Variants in SLC8A3 observed in about 807,000 individuals in gnomAD.
SLC8A3 encodes solute carrier family 8 member A3.
In SLC8A3, 37 loss-of-function variants were observed where a neutral mutation model predicts 65.4. The observed-to-expected ratio is 0.57, with a 90% CI of 0.44 to 0.74. The LOEUF (loss-of-function observed/expected upper bound fraction) is 0.74, where lower values mean the gene tolerates loss of function less well. Ranked by LOEUF, SLC8A3 falls within the 30% of genes least tolerant of loss-of-function variation. SLC8A3 has a pLI of 0.00. For missense variants in SLC8A3, 1,112 were observed against 1,172.1 expected (o/e 0.95, Z 0.75); for synonymous variants, 461 against 444.5 (o/e 1.04, Z -0.47).
In SLC8A3 at chr14:70,057,886, CAGAG is replaced by C. The variant is rs113155498; in HGVS notation, c.1888+2946_1888+2949del. 2.7e-5 allele frequency among the ~76,000 whole-genome samples: 4 copies of C among 150,888 alleles called. No individual in the cohort carries two copies. In the East Asian group the frequency reaches 5.8e-4, roughly 22 times the overall value. On this transcript the variant is annotated intron_variant, in intron 3 of 6. Coordinates refer to ENST00000356921, the MANE Select transcript of SLC8A3 (RefSeq NM_182932.3). ...GGAGGACCAAACAGGCCCCATTCTT[CAGAG>C]AGAGAGAGAGAGACAGAGAGCTTTC...
chr14:70,189,327 G>T (rs2140481406), upstream of SLC8A3, among the ~76,000 whole-genome samples: 1 of 152,300 alleles, frequency 6.6e-6, no homozygotes, highest in South Asian at 2.1e-4. Context: ...CGCCGAGTTG[G>T]GAGCTCCAGG....
chr14:70,087,554 C>T (rs1891521713), intron 2 of SLC8A3, among the ~76,000 whole-genome samples: 1 of 152,178 alleles, frequency 6.6e-6, no homozygotes, highest in Admixed American at 6.5e-5. Context: ...CTATAATCTC[C>T]CCCTTTTTCA....
At chr14:70,169,806 C>G (rs1345122102) in intron 1 of SLC8A3, among the ~76,000 whole-genome samples, 1 of 152,064 alleles carries the variant, frequency 6.6e-6, no homozygotes, top group African/African-American at 2.4e-5. Context: ...CTTCATCCCC[C>G]ATATTTGCTC....
chr14:70,134,407 G>A (rs17107798), intron 2 of SLC8A3, among the ~76,000 whole-genome samples: 23,450 of 151,958 alleles, frequency 0.15, 1,933 homozygotes, highest in African/African-American at 0.19. Flanking sequence ...TTCCTTTGCC[G>A]TCCATACCAC....
chr14:70,134,659 T>A (rs753699191), intron 2 of SLC8A3, among the ~76,000 whole-genome samples: 1 of 152,204 alleles, frequency 6.6e-6, no homozygotes, highest in Non-Finnish European at 1.5e-5. Context: ...TCACCTGGAT[T>A]TTCTTAGCAT....
intron 2 of SLC8A3, among the ~76,000 whole-genome samples, chr14:70,147,486 T>C (rs1221987672): frequency 6.6e-6 from 1 of 152,066 alleles, no homozygotes; most frequent in Non-Finnish European, 1.5e-5. Flanking sequence ...TTGGGACCTG[T>C]GATTATTTGC....
chr14:70,067,373 G>C (rs189316674), intron 2 of SLC8A3, among the ~76,000 whole-genome samples: 1 of 152,272 alleles, frequency 6.6e-6, no homozygotes, highest in East Asian at 1.9e-4. Context: ...CAGAGAACTT[G>C]TCTTTTTTCA....
chr14:70,159,118 A>G (rs911009101), intron 2 of SLC8A3, among the ~76,000 whole-genome samples: 4 of 152,176 alleles, frequency 2.6e-5, no homozygotes, highest in Non-Finnish European at 5.9e-5. Flanking sequence ...TTAAAAACCA[A>G]CAATAAGGGG....
chr14:70,139,741 C>T (rs1049319702), intron 2 of SLC8A3, among the ~76,000 whole-genome samples: 7 of 152,106 alleles, frequency 4.6e-5, no homozygotes, highest in Admixed American at 1.3e-4. Flanking sequence ...GTGATGCCCC[C>T]GGGAGAGGGG....
intron 2 of SLC8A3, among the ~76,000 whole-genome samples, chr14:70,135,061 C>T (rs1218461989): frequency 5.9e-5 from 9 of 151,988 alleles, no homozygotes; most frequent in Non-Finnish European, 1.2e-4. Context: ...ACAAATAATC[C>T]ACTTAAAAAT....
intron 2 of SLC8A3, among the ~76,000 whole-genome samples, chr14:70,110,513 G>A (rs1893215766): frequency 6.6e-6 from 1 of 152,002 alleles, no homozygotes; most frequent in Non-Finnish European, 1.5e-5. Flanking sequence ...TGTTGCTAAT[G>A]ACTGGATCTC....
chr14:70,079,330 CAAAAAAAAAAAA>C (rs11464342), intron 2 of SLC8A3, among the ~76,000 whole-genome samples: 5 of 80,928 alleles, frequency 6.2e-5, no homozygotes, highest in Non-Finnish European at 1.2e-4. Flanking sequence ...CTAAAAAATA[CAAAAAAAAAAAA>C]AAAAAAAAAA....
intron 2 of SLC8A3, among the ~76,000 whole-genome samples, chr14:70,097,835 G>A (rs1892291858): frequency 6.6e-6 from 1 of 152,126 alleles, no homozygotes; most frequent in South Asian, 2.1e-4. Flanking sequence ...AAAAGCACAA[G>A]CAAGAGTTCT....
intron 2 of SLC8A3, among the ~76,000 whole-genome samples, chr14:70,127,414 G>A (rs940753240): frequency 6.6e-6 from 1 of 152,076 alleles, no homozygotes; most frequent in Admixed American, 6.5e-5. Context: ...CTTTATTGAC[G>A]GTTTTGTAGA....
At chr14:70,187,626 TGTGTGTGTGTGTG>T (rs1566843450) in intron 1 of SLC8A3, among the ~76,000 whole-genome samples, 4 of 131,984 alleles carry the variant, frequency 3.0e-5, no homozygotes, top group East Asian at 4.2e-4. Context: ...TGTGTGTGTG[TGTGTGTGTGTGTG>T]TCCGCGCGCG....
chr14:70,171,076 T>A (rs1897497924), intron 1 of SLC8A3, among the ~76,000 whole-genome samples: 1 of 152,204 alleles, frequency 6.6e-6, no homozygotes, highest in Non-Finnish European at 1.5e-5. Flanking sequence ...GCTCTTTACT[T>A]TGACCTCTGA....
At chr14:70,174,662 GTTTTTTTTTTT>G (rs10527244) in intron 1 of SLC8A3, among the ~76,000 whole-genome samples, 4 of 66,518 alleles carry the variant, frequency 6.0e-5, no homozygotes, top group African/African-American at 1.5e-4. Flanking sequence ...TTTTTTTTTT[GTTTTTTTTTTT>G]TTTTTTTTTT....
intron 2 of SLC8A3, among the ~76,000 whole-genome samples, chr14:70,097,570 CT>C (rs1555374593): frequency 1.3e-5 from 2 of 152,192 alleles, no homozygotes; most frequent in Non-Finnish European, 2.9e-5. Flanking sequence ...ACAATGGAGA[CT>C]GTTTAAGTGT....
intron 2 of SLC8A3, among the ~76,000 whole-genome samples, chr14:70,091,011 G>A (rs1232292317): frequency 6.6e-6 from 1 of 152,120 alleles, no homozygotes; most frequent in Non-Finnish European, 1.5e-5. Flanking sequence ...GACAACCCCT[G>A]GACTAAGAGC....
Sources: gnomAD v4.1 joint callset for allele counts (sites outside exome capture counted in the v4.1 genomes callset) on GRCh38, gnomAD v4.1.1 for gene constraint, MANE v1.5 for transcripts, NCBI Gene and HGNC (gene_info 2026-07-23, HGNC 2026-07-21) for gene names.